The following KCNB2 variants were observed in gnomAD, a reference collection of about 807,000 sequenced individuals.
KCNB2 encodes delayed rectifier potassium channel protein.
In KCNB2, 15 loss-of-function variants were observed where a neutral mutation model predicts 61.5. The ratio of observed to expected loss-of-function variants is 0.24; its 90% CI spans 0.16 to 0.38. The LOEUF (loss-of-function observed/expected upper bound fraction) is 0.38. KCNB2 is among the 10% of genes least tolerant of loss of function. KCNB2 has a pLI of 1.00. For missense variants in KCNB2, 828 were observed against 1,125.2 expected (o/e 0.74, Z 3.78); for synonymous variants, 457 against 446.0 (o/e 1.02, Z -0.31).
At chr8:72,590,727 A>C (rs1414158509) in intron 2 of KCNB2, among the ~76,000 whole-genome samples, 1 of 152,164 alleles carries the variant, frequency 6.6e-6, no homozygotes, top group East Asian at 1.9e-4. Flanking sequence ...CTATGAACAC[A>C]AGATGAATGC....
intron 2 of KCNB2, among the ~76,000 whole-genome samples, chr8:72,634,854 G>C (rs1490879819): frequency 6.6e-6 from 1 of 152,176 alleles, no homozygotes; most frequent in African/African-American, 2.4e-5. Flanking sequence ...TTAATGATTT[G>C]TGTTGATGGG....
chr8:72,904,701 CACA>C (rs1473558002), intron 2 of KCNB2, among the ~76,000 whole-genome samples: 3 of 151,684 alleles, frequency 2.0e-5, no homozygotes, highest in Non-Finnish European at 2.9e-5. Flanking sequence ...GGTACATGTG[CACA>C]ACGTTTTATT....
intron 2 of KCNB2, among the ~76,000 whole-genome samples, chr8:72,815,903 A>G (rs1216954827): frequency 2.0e-5 from 3 of 152,184 alleles, no homozygotes; most frequent in African/African-American, 7.2e-5. Context: ...GAGGGTATGA[A>G]GAAATGGTGA....
chr8:72,616,986 G>C (rs143331473), intron 2 of KCNB2, among the ~76,000 whole-genome samples: 14 of 152,202 alleles, frequency 9.2e-5, no homozygotes, highest in Non-Finnish European at 1.2e-4. Context: ...TCTCTCTCTT[G>C]TAATGCTCTG....
At chr8:72,834,640 G>C (rs549285104) in intron 2 of KCNB2, among the ~76,000 whole-genome samples, 1 of 152,274 alleles carries the variant, frequency 6.6e-6, no homozygotes, top group Admixed American at 6.5e-5. Context: ...GGCAACTTCA[G>C]TCTCCTGTTT....
intron 1 of KCNB2, among the ~76,000 whole-genome samples, chr8:72,554,879 A>G (rs1420453945): frequency 2.6e-5 from 4 of 152,086 alleles, no homozygotes; most frequent in Non-Finnish European, 1.5e-5. Flanking sequence ...GTAACGTGAT[A>G]GTAGATGTTA....
At chr8:72,804,600 A>G (rs1004789403) in intron 2 of KCNB2, among the ~76,000 whole-genome samples, 1 of 152,120 alleles carries the variant, frequency 6.6e-6, no homozygotes, top group Non-Finnish European at 1.5e-5. Flanking sequence ...TACCACCCCA[A>G]CTCCCCTGAG....
chr8:72,680,839 G>C (rs898321124), intron 2 of KCNB2, among the ~76,000 whole-genome samples: 1 of 152,168 alleles, frequency 6.6e-6, no homozygotes, highest in Non-Finnish European at 1.5e-5. Context: ...GCTGGGTTCT[G>C]CTGCACAATC....
intron 2 of KCNB2, among the ~76,000 whole-genome samples, chr8:72,766,905 G>A (rs1229568277): frequency 2.6e-5 from 4 of 152,098 alleles, no homozygotes; most frequent in Non-Finnish European, 4.4e-5. Context: ...TTACAGTTCC[G>A]CATGACTAGG....
chr8:72,638,351 C>A (rs576527214), intron 2 of KCNB2, among the ~76,000 whole-genome samples: 1 of 152,080 alleles, frequency 6.6e-6, no homozygotes, highest in Non-Finnish European at 1.5e-5. Context: ...TGGGAAACTA[C>A]CATGAAGTGA....
At chr8:72,773,419 A>G (rs1251436413) in intron 2 of KCNB2, among the ~76,000 whole-genome samples, 1 of 152,218 alleles carries the variant, frequency 6.6e-6, no homozygotes, top group Non-Finnish European at 1.5e-5. Flanking sequence ...TCCCATAGAA[A>G]GCCCTGTAGA....
intron 2 of KCNB2, among the ~76,000 whole-genome samples, chr8:72,896,200 GC>G (rs1313707950): frequency 1.3e-5 from 2 of 152,086 alleles, no homozygotes; most frequent in African/African-American, 4.8e-5. Flanking sequence ...ACAAGTTTCA[GC>G]CAGTCCCTCT....
At chr8:72,659,957 C>A (rs1400526238) in intron 2 of KCNB2, among the ~76,000 whole-genome samples, 4 of 152,156 alleles carry the variant, frequency 2.6e-5, no homozygotes, top group African/African-American at 7.2e-5. Context: ...TGCAACTTAA[C>A]CTGCAATGTC....
chr8:72,928,671 CACACACACAG>C (rs1325063494), intron 2 of KCNB2, among the ~76,000 whole-genome samples: 1 of 124,262 alleles, frequency 8.0e-6, no homozygotes, highest in African/African-American at 3.0e-5. Flanking sequence ...TTACATGGAA[CACACACACAG>C]ACACACACAC....
chr8:72,556,448 C>G (rs1271654207), intron 1 of KCNB2, among the ~76,000 whole-genome samples: 1 of 152,194 alleles, frequency 6.6e-6, no homozygotes, highest in Middle Eastern at 3.4e-3. Context: ...TTAAAAAATG[C>G]TGTTTAATGA....
chr8:72,772,775 A>T lies in KCNB2; in HGVS notation c.580-163160A>T, dbSNP rs560646287. On this transcript the variant is annotated intron_variant, in intron 2 of 2. Transcript: ENST00000523207. ...AAATACACCGGTCTGTCCATTTCAC[A>T]TAAATACCTGGATGAAAGATGTTCT... is the stretch of plus-strand genomic sequence containing the variant. 2.6e-5 allele frequency among the ~76,000 whole-genome samples: 4 copies of T among 152,322 alleles called. No individual in the cohort carries two copies. The East Asian group carries it at 7.7e-4, about 29-fold the overall frequency.
chr8:72,838,198 T>C (rs1205565331), intron 2 of KCNB2, among the ~76,000 whole-genome samples: 1 of 152,166 alleles, frequency 6.6e-6, no homozygotes, highest in Non-Finnish European at 1.5e-5. Flanking sequence ...ATGTGCCATG[T>C]TGGTTTGCTG....
At chr8:72,810,844 C>T (rs1809295682) in intron 2 of KCNB2, among the ~76,000 whole-genome samples, 1 of 152,186 alleles carries the variant, frequency 6.6e-6, no homozygotes, top group Admixed American at 6.5e-5. Flanking sequence ...CTAAAATCCA[C>T]ATGTTTTGGG....
chr8:72,836,901 C>T (rs771083504), intron 2 of KCNB2, among the ~76,000 whole-genome samples: 33 of 152,146 alleles, frequency 2.2e-4, no homozygotes, highest in Non-Finnish European at 4.3e-4. Context: ...AAGAGTGGGA[C>T]TTTGTCTCAA....
Sources: gnomAD v4.1 joint callset for allele counts (sites outside exome capture counted in the v4.1 genomes callset) on GRCh38, gnomAD v4.1.1 for gene constraint, MANE v1.5 for transcripts, NCBI Gene and HGNC (gene_info 2026-07-23, HGNC 2026-07-21) for gene names.